Variants in NIPSNAP2 observed in about 807,000 individuals in gnomAD.
The protein encoded by NIPSNAP2 is nipsnap homolog 2.
In NIPSNAP2, 42 loss-of-function variants were observed where a neutral mutation model predicts 48.4. The ratio of observed to expected loss-of-function variants is 0.87; its 90% CI spans 0.68 to 1.12. The LOEUF is 1.12. Among genes scored for constraint, NIPSNAP2 ranks in the 50% most tolerant of loss-of-function variants. The pLI is 0.00. For synonymous variants in NIPSNAP2, 158 were observed against 126.6 expected (o/e 1.25, Z -1.67); for missense variants, 314 against 347.3 (o/e 0.90, Z 0.76).
In NIPSNAP2 at chr7:55,999,117, A is replaced by G. The variant is rs1787628654; in HGVS notation, c.*45A>G. The G allele has an allele frequency of 6.8e-7, 1 of 1,471,418 alleles. No homozygotes were observed. Among genetic ancestry groups the G allele is most frequent in the African/African-American group, 1.4e-5 (1 of 71,550 alleles). 91.1% of individuals were successfully genotyped at this position (1,471,418 alleles called of 1,614,324 possible). A position where few individuals can be genotyped will look rare whatever the true frequency, so the allele number is the denominator to read the frequency against. ...GCCTACATACATTTCTGTGACAAGT[A>G]TTTGTCGTAAATTAATTTTAATTGT... On this transcript the variant is annotated 3_prime_UTR_variant, in exon 10 of 10. Coordinates refer to ENST00000322090, the MANE Select transcript of NIPSNAP2 (RefSeq NM_001483.3).
chr7:55,997,217 C>A, intron 8 of NIPSNAP2, 149 bp from the exon 9 acceptor site: 1 of 476,170 alleles, frequency 2.1e-6, no homozygotes, highest in Non-Finnish European at 3.8e-6. Flanking sequence ...TATAATTTTG[C>A]TCAGAATTTC....
At chr7:55,992,098 A>G (rs1213867846) in intron 7 of NIPSNAP2, among the ~76,000 whole-genome samples, 1 of 152,052 alleles carries the variant, frequency 6.6e-6, no homozygotes, top group Non-Finnish European at 1.5e-5. Context: ...AAGATTAAAG[A>G]TGTCATCTTA....
At chr7:55,984,631 A>C (rs1787288757) in intron 6 of NIPSNAP2, among the ~76,000 whole-genome samples, 1 of 151,234 alleles carries the variant, frequency 6.6e-6, no homozygotes, top group African/African-American at 2.4e-5. Context: ...AGGCAGGAGA[A>C]TTGCTTGAAC....
At chr7:55,994,429 T>C (rs1396433865) in intron 7 of NIPSNAP2, among the ~76,000 whole-genome samples, 1 of 152,198 alleles carries the variant, frequency 6.6e-6, no homozygotes, top group Non-Finnish European at 1.5e-5. Context: ...AAATGACTTT[T>C]AGACCAGGTG....
chr7:55,985,070 A>G (rs1317917919), intron 7 of NIPSNAP2, among the ~76,000 whole-genome samples, 192 bp downstream of exon 7: 1 of 152,192 alleles, frequency 6.6e-6, no homozygotes, highest in Non-Finnish European at 1.5e-5. Context: ...CTCCCCTTCC[A>G]CATCCATCTC....
intron 9 of NIPSNAP2, 81 bp from the exon 10 acceptor site, chr7:55,998,927 C>T (rs1584354815): frequency 8.7e-7 from 1 of 1,155,014 alleles, no homozygotes; most frequent in East Asian, 2.3e-5. Flanking sequence ...TGTGAACATT[C>T]TCGGCAATCT....
chr7:55,998,799 G>A lies in NIPSNAP2; in HGVS notation c.797-209G>A, dbSNP rs551573018. 1.1e-4 allele frequency among the ~76,000 whole-genome samples: 17 copies of A among 152,228 alleles called. No homozygotes were observed. The South Asian group carries it at 2.7e-3, about 24-fold the overall frequency. ...CAGGTGATCTGCGCCCAGCTGATCT[G>A]TTGTAATTTTAATAGCATCTTGTAG... On this transcript the variant is annotated intron_variant, in intron 9 of 9. Coordinates refer to ENST00000322090, the MANE Select transcript of NIPSNAP2 (RefSeq NM_001483.3).
At chr7:55,998,491 C>CTTT (rs1406658343) in intron 9 of NIPSNAP2, among the ~76,000 whole-genome samples, 20 of 79,940 alleles carry the variant, frequency 2.5e-4, no homozygotes, top group Non-Finnish European at 4.8e-4. Context: ...CAGGTAGGAT[C>CTTT]TGTTTTTTTT....
intron 1 of NIPSNAP2, 29 bp from the exon 2 acceptor site, chr7:55,978,097 T>C (rs1345198168): frequency 6.2e-6 from 10 of 1,613,204 alleles, no homozygotes; most frequent in Non-Finnish European, 8.5e-6. Flanking sequence ...AACAGTATAC[T>C]GCGTGACAAC....
chr7:55,965,294 C>G (rs146926908), intron 1 of NIPSNAP2: 2 of 151,970 alleles, frequency 1.3e-5, no homozygotes, highest in Non-Finnish European at 2.9e-5. Context: ...TCTAAAAGTA[C>G]TTAGAGTTAT....
At chr7:55,997,242 T>G in intron 8 of NIPSNAP2, 124 bp from the exon 9 acceptor site, 1 of 690,962 alleles carries the variant, frequency 1.4e-6, no homozygotes, top group Non-Finnish European at 2.6e-6. Context: ...GCCCAGTATA[T>G]TACACACCTG....
In NIPSNAP2 at chr7:55,983,991, A is replaced by G. The variant is rs1787275795; in HGVS notation, c.585+123A>G. The G allele has an allele frequency of 5.9e-6, 4 of 675,048 alleles. No homozygotes were observed. The East Asian group carries it at 1.2e-4, about 21-fold the overall frequency. The allele number at this position is 675,048 out of a possible 1,614,324, so 41.8% of individuals were successfully genotyped here. ...TGTATGTCTAGCATTATATGTATAT[A>G]TATGTATTTTTTTAAGACTGGGTCT... On this transcript the variant is annotated intron_variant, in intron 6 of 9. Transcript: ENST00000322090.
At chr7:55,995,259 A>G (rs1393236357) in intron 8 of NIPSNAP2, among the ~76,000 whole-genome samples, 1 of 152,008 alleles carries the variant, frequency 6.6e-6, no homozygotes, top group East Asian at 1.9e-4. Flanking sequence ...AGGCCAGGGA[A>G]GTCAAGAGTG....
rs752483651 is a variant in NIPSNAP2 at position 55,978,154 on chromosome 7, C to G, written c.121C>G (p.Arg41Gly). Residue 41 changes from arginine (R) to glycine (G), a missense_variant, in exon 2 of 10, where the codon CGA becomes GGA. Around this residue, in one of 2 missense-constraint regions of NIPSNAP2, gnomAD observed 198 missense variants for 185.5 expected, o/e 1.07. Transcript: ENST00000322090. ...RTWTSSSNRS[R>G]EDSWLKSLFV... Reference sequence around the variant, plus strand: ...ATGGACATCTTCCAGCAACAGATCTCGAGAAGACAGCTGGCTAAAATCCTT... The same window carrying G: ...ATGGACATCTTCCAGCAACAGATCTGGAGAAGACAGCTGGCTAAAATCCTT... 12 of 1,614,092 alleles carry G rather than the reference C, an allele frequency of 7.4e-6. No individual in the cohort carries two copies. The highest frequency in any genetic ancestry group is 1.0e-5 in the Non-Finnish European group (12 of 1,180,018).
intron 1 of NIPSNAP2, among the ~76,000 whole-genome samples, chr7:55,969,812 T>C (rs1217628489): frequency 6.6e-6 from 1 of 151,694 alleles, no homozygotes; most frequent in Non-Finnish European, 1.5e-5. Flanking sequence ...TGAAACCCTG[T>C]CTCTACTAAA....
chr7:55,991,884 G>A, intron 7 of NIPSNAP2: 2 of 233,106 alleles, frequency 8.6e-6, no homozygotes, highest in Admixed American at 5.4e-5. Context: ...ACCAGGCTAA[G>A]GCAAGTATGT....
Position 55,999,873 on chromosome 7 carries a change from ATATTT to A in NIPSNAP2, c.*804_*808del, listed in dbSNP as rs1261845369. The A allele has an allele frequency of 6.6e-6, 1 of 152,652 alleles. No homozygotes were observed. Among genetic ancestry groups the A allele is most frequent in the African/African-American group, 2.4e-5 (1 of 41,468 alleles). 9.5% of individuals were successfully genotyped at this position (152,652 alleles called of 1,614,324 possible). ...TGTGACCTCAGACACTCTCTGGCTA[ATATTT>A]TAATAAGCTCACAGCAGATAATTCT... On this transcript the variant is annotated 3_prime_UTR_variant, in exon 10 of 10. Transcript: ENST00000322090.
intron 8 of NIPSNAP2, among the ~76,000 whole-genome samples, chr7:55,996,016 A>G (rs1461038163): frequency 6.6e-6 from 1 of 152,166 alleles, no homozygotes; most frequent in Non-Finnish European, 1.5e-5. Flanking sequence ...GGCTGGGCAC[A>G]GTGGTTCACG....
chr7:55,983,675 G>A lies in NIPSNAP2; in HGVS notation c.445-53G>A, dbSNP rs1252304324. On this transcript the variant is annotated intron_variant, in intron 5 of 9. Coordinates refer to ENST00000322090, the MANE Select transcript of NIPSNAP2 (RefSeq NM_001483.3). ...TAGGAACATCAATGTTACTGAAATG[G>A]GCTTATATGTAAGTATCAGAAGATT... 5.7e-6 allele frequency: 9 copies of A among 1,580,778 alleles called. No individual in the cohort carries two copies. In the Admixed American group the frequency reaches 1.0e-4, roughly 18 times the overall value.
Sources: allele counts gnomAD v4.1 joint callset (sites outside exome capture counted in the v4.1 genomes callset), GRCh38; gene constraint gnomAD v4.1.1; regional missense constraint gnomAD v4.1.1; transcripts MANE v1.5; gene names NCBI Gene and HGNC (gene_info 2026-07-23, HGNC 2026-07-21).